The following CWC27 variants were observed in gnomAD, a reference collection of about 807,000 sequenced individuals.
CWC27 encodes CWC27 spliceosome associated cyclophilin.
In CWC27, 47 loss-of-function variants were observed where a neutral mutation model predicts 63.6. The observed-to-expected ratio is 0.74, with a 90% CI of 0.58 to 0.94. The LOEUF is 0.94. Among genes scored for constraint, CWC27 ranks in the 40% least tolerant of loss-of-function variants. The pLI is 0.00. For missense variants in CWC27, 495 were observed against 554.3 expected (o/e 0.89, Z 1.07); for synonymous variants, 175 against 179.8 (o/e 0.97, Z 0.22).
chr5:64,879,798 A>G (rs1226586971), intron 10 of CWC27, among the ~76,000 whole-genome samples: 1 of 151,580 alleles, frequency 6.6e-6, no homozygotes, highest in Non-Finnish European at 1.5e-5. Context: ...TGCAAAAAAA[A>G]AAAATGGAAA....
chr5:64,840,479 A>T (rs1745803797), intron 10 of CWC27, among the ~76,000 whole-genome samples: 1 of 142,928 alleles, frequency 7.0e-6, no homozygotes. Flanking sequence ...AATGGAAAAA[A>T]AACTTTTTTT....
At chr5:65,016,668 C>G (rs1750053859) in intron 13 of CWC27, among the ~76,000 whole-genome samples, 1 of 152,088 alleles carries the variant, frequency 6.6e-6, no homozygotes, top group African/African-American at 2.4e-5. Context: ...AGCTACTGAA[C>G]CCTTAGTAAT....
intron 11 of CWC27, among the ~76,000 whole-genome samples, chr5:64,936,851 T>C (rs1479869495): frequency 6.6e-6 from 1 of 152,224 alleles, no homozygotes; most frequent in East Asian, 1.9e-4. Context: ...TCCAGGAATT[T>C]ATCTATTTCT....
At chr5:64,799,307 G>A (rs1020458805) in intron 7 of CWC27, among the ~76,000 whole-genome samples, 2 of 152,102 alleles carry the variant, frequency 1.3e-5, no homozygotes, top group African/African-American at 4.8e-5. Flanking sequence ...TTAATACTTG[G>A]CCAGGCACAG....
chr5:64,876,195 A>T (rs1014330983), intron 10 of CWC27, among the ~76,000 whole-genome samples: 9 of 152,118 alleles, frequency 5.9e-5, no homozygotes, highest in Admixed American at 5.2e-4. Context: ...GTGAACCTAC[A>T]TCTCTGCTAC....
intron 10 of CWC27, among the ~76,000 whole-genome samples, chr5:64,878,875 A>G (rs60517880): frequency 7.9e-5 from 12 of 152,062 alleles, no homozygotes; most frequent in African/African-American, 1.7e-4. Context: ...AGGTCATGAG[A>G]GAGACTTAAT....
chr5:64,946,605 G>A (rs1435914366), intron 11 of CWC27, among the ~76,000 whole-genome samples: 1 of 152,000 alleles, frequency 6.6e-6, no homozygotes. Context: ...GCAGATGAAG[G>A]CAGATGAGTT....
At chr5:64,818,939 G>T (rs1369274007) in intron 10 of CWC27, among the ~76,000 whole-genome samples, 1 of 152,156 alleles carries the variant, frequency 6.6e-6, no homozygotes, top group Non-Finnish European at 1.5e-5. Context: ...AGAACAAAAT[G>T]TGCTTACCTT....
intron 13 of CWC27, among the ~76,000 whole-genome samples, chr5:64,991,932 C>T (rs1163069867): frequency 6.6e-6 from 1 of 152,074 alleles, no homozygotes; most frequent in Admixed American, 6.5e-5. Context: ...ATCAGTTAGT[C>T]AGATTAGTTA....
intron 10 of CWC27, among the ~76,000 whole-genome samples, chr5:64,855,704 G>A (rs918700686): frequency 2.6e-5 from 4 of 151,946 alleles, no homozygotes; most frequent in Admixed American, 1.3e-4. Context: ...TCACAATAAC[G>A]TTTTGTTGAG....
chr5:64,830,323 G>A (rs1340670335), intron 10 of CWC27, among the ~76,000 whole-genome samples: 4 of 151,988 alleles, frequency 2.6e-5, no homozygotes. Flanking sequence ...AACAAGAAAT[G>A]GGGAAAGGAT....
intron 1 of CWC27, chr5:64,773,746 A>G (rs1318600880): frequency 1.3e-5 from 2 of 152,108 alleles, no homozygotes; most frequent in Non-Finnish European, 2.9e-5. Context: ...CTTTTTGGTT[A>G]TTTGTGGTTA....
At position 65,000,665 on chromosome 5, in the gene CWC27, A is replaced by G. The variant is rs952936571; in HGVS notation, c.1257-17494A>G. Among the ~76,000 whole-genome samples, 62 of 151,546 alleles carry G rather than the reference A, an allele frequency of 4.1e-4. 1 individual carries two copies. The highest frequency in any genetic ancestry group is 3.7e-3 in the Admixed American group (56 of 15,182). ...ATGTGCATTTATTTCTGGGTTCTCT[A>G]TTCTGTTCCATTGGTCTGTGTGTCT... On this transcript the variant is annotated intron_variant, in intron 13 of 13. Coordinates refer to ENST00000381070, the MANE Select transcript of CWC27 (RefSeq NM_005869.4).
At chr5:64,940,763 T>C (rs949581086) in intron 11 of CWC27, among the ~76,000 whole-genome samples, 1 of 151,978 alleles carries the variant, frequency 6.6e-6, no homozygotes, top group Non-Finnish European at 1.5e-5. Flanking sequence ...TTTCTTTTGA[T>C]GCTCAAAATA....
intron 2 of CWC27, among the ~76,000 whole-genome samples, chr5:64,776,232 A>G (rs899078435): frequency 1.3e-5 from 2 of 152,104 alleles, no homozygotes; most frequent in Non-Finnish European, 2.9e-5. Flanking sequence ...CTGTTAACCA[A>G]GTTGAGAAAC....
chr5:64,937,705 C>T (rs946086414), intron 11 of CWC27, among the ~76,000 whole-genome samples: 1 of 152,108 alleles, frequency 6.6e-6, no homozygotes, highest in Admixed American at 6.5e-5. Context: ...TTAAAGTCTT[C>T]CACTATTATT....
At chr5:64,869,386 GTTTCCAAAGTGCT>G (rs1746610142) in intron 10 of CWC27, among the ~76,000 whole-genome samples, 2 of 152,062 alleles carry the variant, frequency 1.3e-5, no homozygotes. Context: ...GGTGCAAGCA[GTTTCCAAAGTGCT>G]TTTCCTGGCT....
At chr5:65,000,360 T>A (rs1749710210) in intron 13 of CWC27, among the ~76,000 whole-genome samples, 1 of 152,058 alleles carries the variant, frequency 6.6e-6, no homozygotes, top group African/African-American at 2.4e-5. Flanking sequence ...TTGTCTGTTT[T>A]TGTTTCATTG....
intron 10 of CWC27, among the ~76,000 whole-genome samples, chr5:64,833,387 G>A (rs569687063): frequency 3.3e-5 from 5 of 151,806 alleles, no homozygotes; most frequent in South Asian, 2.1e-4. Flanking sequence ...TGATATCAGC[G>A]ATGGAGGAAT....
Sources: gnomAD v4.1 joint callset for allele counts (sites outside exome capture counted in the v4.1 genomes callset) on GRCh38, gnomAD v4.1.1 for gene constraint, MANE v1.5 for transcripts, NCBI Gene and HGNC (gene_info 2026-07-23, HGNC 2026-07-21) for gene names.